PDE1C: variants seen among roughly 807,000 people sequenced by gnomAD.
The protein encoded by PDE1C is dual specificity calcium/calmodulin-dependent 3',5'-cyclic nucleotide phosphodiesterase 1C.
A neutral mutation model predicts 93.1 loss-of-function variants in PDE1C; 62 were observed. The observed-to-expected ratio is 0.67, with a 90% CI of 0.54 to 0.82. The LOEUF is 0.82. PDE1C is among the 40% of genes least tolerant of loss of function. PDE1C has a pLI of 0.00. For missense variants in PDE1C, 742 were observed against 884.6 expected (o/e 0.84, Z 2.04); for synonymous variants, 325 against 310.1 (o/e 1.05, Z -0.50).
At chr7:32,229,696 G>C (rs894489849) in intron 1 of PDE1C, among the ~76,000 whole-genome samples, 2 of 152,226 alleles carry the variant, frequency 1.3e-5, no homozygotes, top group Non-Finnish European at 2.9e-5. Flanking sequence ...TGCATTGGAA[G>C]AATACAGGCC....
At chr7:31,649,969 G>C in the PDE1C span, among the ~76,000 whole-genome samples, 1 of 152,130 alleles carries the variant, frequency 6.6e-6, no homozygotes, top group Non-Finnish European at 1.5e-5. Flanking sequence ...TGAAGAGTAG[G>C]GGCTCAGTAG....
At chr7:31,819,036 T>C (rs1028718900) in intron 14 of PDE1C, among the ~76,000 whole-genome samples, 1 of 152,146 alleles carries the variant, frequency 6.6e-6, no homozygotes, top group Non-Finnish European at 1.5e-5. Context: ...CAACTGTAGC[T>C]ATCGGGCAAT....
At chr7:31,733,358 G>T in the PDE1C span, among the ~76,000 whole-genome samples, 1 of 152,156 alleles carries the variant, frequency 6.6e-6, no homozygotes, top group East Asian at 1.9e-4. Flanking sequence ...AGACCAGGGT[G>T]GTGAGGTGGT....
At chr7:31,988,303 C>T (rs1783678747) in intron 2 of PDE1C, among the ~76,000 whole-genome samples, 1 of 152,216 alleles carries the variant, frequency 6.6e-6, no homozygotes, top group Admixed American at 6.5e-5. Context: ...CTAAGTTAAA[C>T]CCTTGGGCCT....
intron 2 of PDE1C, among the ~76,000 whole-genome samples, chr7:31,909,357 C>T (rs1800960168): frequency 6.6e-6 from 1 of 152,122 alleles, no homozygotes; most frequent in Non-Finnish European, 1.5e-5. Context: ...TCTTTACATA[C>T]TTAATAGGTG....
At chr7:31,660,282 T>A in the PDE1C span, among the ~76,000 whole-genome samples, 2 of 152,190 alleles carry the variant, frequency 1.3e-5, no homozygotes, top group African/African-American at 4.8e-5. Context: ...TAAAATAAAT[T>A]TCTAAAAACT....
intron 1 of PDE1C, among the ~76,000 whole-genome samples, chr7:32,223,386 A>G (rs1298696351): frequency 6.6e-6 from 1 of 151,862 alleles, no homozygotes; most frequent in African/African-American, 2.4e-5. Flanking sequence ...TCCCCACTTT[A>G]CTCATGAGGC....
intron 1 of PDE1C, among the ~76,000 whole-genome samples, chr7:32,276,346 T>C: frequency 6.6e-6 from 1 of 152,216 alleles, no homozygotes. Flanking sequence ...TAGATATTAA[T>C]TGGTATGTAA....
intron 1 of PDE1C, among the ~76,000 whole-genome samples, chr7:32,421,405 G>A (rs528614880): frequency 6.6e-6 from 1 of 152,336 alleles, no homozygotes; most frequent in African/African-American, 2.4e-5. Flanking sequence ...CACCTACACG[G>A]ATGATCCGTT....
At chr7:32,412,646 A>G (rs6970493) in intron 1 of PDE1C, among the ~76,000 whole-genome samples, 22,547 of 152,160 alleles carry the variant, frequency 0.15, 3,268 homozygotes, top group African/African-American at 0.37. Context: ...ACTAGGCAAC[A>G]GAATTTTTCA....
chr7:32,376,280 T>C (rs1384218405), intron 1 of PDE1C, among the ~76,000 whole-genome samples: 2 of 152,282 alleles, frequency 1.3e-5, no homozygotes, highest in Non-Finnish European at 2.9e-5. Context: ...CTTTGTGATT[T>C]TATCTGCAGT....
chr7:31,953,938 TG>T (rs1807765518), intron 2 of PDE1C, among the ~76,000 whole-genome samples: 1 of 152,244 alleles, frequency 6.6e-6, no homozygotes, highest in Admixed American at 6.5e-5. Flanking sequence ...TAAACCGTGA[TG>T]ATTGGAAACT....
At chr7:32,349,830 C>T (rs1783924978) in intron 1 of PDE1C, among the ~76,000 whole-genome samples, 1 of 152,028 alleles carries the variant, frequency 6.6e-6, no homozygotes, top group South Asian at 2.1e-4. Context: ...GGGTTTCACC[C>T]ATATTAGCCA....
At position 32,206,377 on chromosome 7, in the gene PDE1C, A is replaced by G. The variant is rs538817582; in HGVS notation, c.136+3112T>C. On this transcript the variant is annotated intron_variant, in intron 2 of 18. Transcript: ENST00000396193. ...CCAGACACGGCCCATGGGCTCAAGG[A>G]GCTGACTGTCTAATAGAGACCGACA... Among the ~76,000 whole-genome samples the G allele has an allele frequency of 1.1e-4, 17 of 152,272 alleles. No homozygotes were observed. The East Asian group carries it at 3.3e-3, about 29-fold the overall frequency.
At chr7:32,270,278 T>C (rs1172934812) in intron 1 of PDE1C, among the ~76,000 whole-genome samples, 2 of 151,976 alleles carry the variant, frequency 1.3e-5, no homozygotes. Flanking sequence ...AACTGTGTTT[T>C]CTTTCCTTCT....
Position 31,908,298 on chromosome 7 carries a change from G to T in PDE1C, c.129-27438C>A, listed in dbSNP as rs183124635. On this transcript the variant is annotated intron_variant, in intron 2 of 17. Transcript: ENST00000396191. ...TTTTTTAAATTGTTGCTTCTTGATA[G>T]AATCACAGTTTCTCTTTTATTGCAT... 1.6e-3 allele frequency among the ~76,000 whole-genome samples: 242 copies of T among 152,238 alleles called. 7 individuals are homozygous for T. In the South Asian group the frequency reaches 0.045, roughly 28 times the overall value.
At chr7:31,740,358 A>G in the PDE1C span, among the ~76,000 whole-genome samples, 1 of 152,196 alleles carries the variant, frequency 6.6e-6, no homozygotes, top group Non-Finnish European at 1.5e-5. Context: ...TTATGTATAC[A>G]CATGCAGACA....
chr7:31,725,965 A>C, the PDE1C span, among the ~76,000 whole-genome samples: 8 of 152,236 alleles, frequency 5.3e-5, no homozygotes, highest in Non-Finnish European at 1.2e-4. Context: ...GAAAAACAAA[A>C]GTAGAACAAA....
intron 1 of PDE1C, among the ~76,000 whole-genome samples, chr7:32,264,748 G>A (rs1810450469): frequency 6.6e-6 from 1 of 152,174 alleles, no homozygotes; most frequent in Non-Finnish European, 1.5e-5. Context: ...GTCCTGGAGT[G>A]ATGAATCAAG....
Sources: allele counts gnomAD v4.1 joint callset (sites outside exome capture counted in the v4.1 genomes callset), GRCh38; gene constraint gnomAD v4.1.1; transcripts MANE v1.5; gene names NCBI Gene and HGNC (gene_info 2026-07-23, HGNC 2026-07-21).